The following NTRK3 variants were observed in gnomAD, a reference collection of about 807,000 sequenced individuals.
NTRK3 encodes NT-3 growth factor receptor.
In NTRK3, 24 loss-of-function variants were observed where a neutral mutation model predicts 91.7. The ratio of observed to expected loss-of-function variants is 0.26; its 90% confidence interval spans 0.19 to 0.37. The LOEUF is 0.37. Among genes scored for constraint, NTRK3 ranks in the 10% least tolerant of loss-of-function variants. NTRK3 has a pLI of 1.00. For synonymous variants in NTRK3, 483 were observed against 404.0 expected, an observed-to-expected ratio of 1.20 and a Z score of -2.34; for missense variants, 880 against 1,068.9, an observed-to-expected ratio of 0.82 and a Z score of 2.46.
intron 14 of NTRK3, among the ~76,000 whole-genome samples, chr15:87,960,482 C>T (rs1382168782): frequency 6.6e-6 from 1 of 151,696 alleles, no homozygotes; most frequent in Non-Finnish European, 1.5e-5. Flanking sequence ...AATAAAGCTT[C>T]CCCCCATCCT....
intron 3 of NTRK3, among the ~76,000 whole-genome samples, chr15:88,210,921 G>C (rs541666791): frequency 1.3e-5 from 2 of 152,228 alleles, no homozygotes; most frequent in African/African-American, 4.8e-5. Flanking sequence ...GTGACCCAGA[G>C]CAGTGAGATG....
chr15:88,064,656 C>T (rs1367794335), intron 13 of NTRK3, among the ~76,000 whole-genome samples: 1 of 152,164 alleles, frequency 6.6e-6, no homozygotes, highest in Non-Finnish European at 1.5e-5. Context: ...TCCAGTGCCC[C>T]CTCCACTGCA....
At chr15:88,049,214 C>T (rs555649342) in intron 13 of NTRK3, among the ~76,000 whole-genome samples, 1 of 152,154 alleles carries the variant, frequency 6.6e-6, no homozygotes, top group Non-Finnish European at 1.5e-5. Flanking sequence ...GGAAGTGATG[C>T]TTCGAATACT....
chr15:88,079,447 A>G (rs1315231397), intron 13 of NTRK3, among the ~76,000 whole-genome samples: 3 of 152,156 alleles, frequency 2.0e-5, no homozygotes, highest in African/African-American at 7.2e-5. Context: ...AGGAATTGGG[A>G]AAAATGGTGG....
At chr15:87,959,654 C>T (rs1005425375) in intron 14 of NTRK3, among the ~76,000 whole-genome samples, 2 of 152,184 alleles carry the variant, frequency 1.3e-5, no homozygotes, top group African/African-American at 4.8e-5. Context: ...CTTCATGGAA[C>T]ATCCCAGCTG....
intron 14 of NTRK3, among the ~76,000 whole-genome samples, chr15:87,945,674 T>C (rs551865483): frequency 1.3e-5 from 2 of 150,630 alleles, no homozygotes; most frequent in Non-Finnish European, 2.9e-5. Context: ...CACTGTCAGC[T>C]TCACCTCCCT....
At chr15:87,911,349 G>A (rs564071442) in intron 17 of NTRK3, among the ~76,000 whole-genome samples, 1 of 152,318 alleles carries the variant, frequency 6.6e-6, no homozygotes, top group African/African-American at 2.4e-5. Context: ...AGCAATCTCT[G>A]TTGTAGAGTT....
intron 14 of NTRK3, among the ~76,000 whole-genome samples, chr15:87,944,945 G>C (rs563734002): frequency 6.6e-5 from 10 of 152,336 alleles, no homozygotes; most frequent in Non-Finnish European, 1.2e-4. Context: ...AGCTGCCTCT[G>C]GTGAAGCTAT....
chr15:88,004,994 A>G (rs892841911), intron 14 of NTRK3, among the ~76,000 whole-genome samples: 2 of 152,208 alleles, frequency 1.3e-5, no homozygotes, highest in African/African-American at 2.4e-5. Flanking sequence ...CTTACAGATG[A>G]GAAAAATGAG....
At chr15:88,147,543 T>G in intron 5 of NTRK3, 140 bp from the exon 6 acceptor site, 1 of 536,428 alleles carries the variant, frequency 1.9e-6, no homozygotes, top group South Asian at 2.3e-5. Flanking sequence ...CTTCTTCTTC[T>G]TCTTCTTCTT....
chr15:88,220,041 C>T (rs889613336), intron 3 of NTRK3, among the ~76,000 whole-genome samples: 16 of 152,028 alleles, frequency 1.1e-4, no homozygotes, highest in Non-Finnish European at 2.1e-4. Flanking sequence ...CAGAGAAAAT[C>T]CCCAAGTAAA....
intron 5 of NTRK3, among the ~76,000 whole-genome samples, chr15:88,168,790 TGA>T (rs1456215904): frequency 2.0e-5 from 3 of 152,232 alleles, no homozygotes; most frequent in Non-Finnish European, 4.4e-5. Context: ...TACCTGCTCC[TGA>T]GAGGCACCAG....
chr15:88,119,798 C>T (rs750999941), intron 13 of NTRK3, among the ~76,000 whole-genome samples: 8 of 152,204 alleles, frequency 5.3e-5, no homozygotes, highest in African/African-American at 1.7e-4. Context: ...TCTTGGTTCC[C>T]GACCCCCTGC....
intron 17 of NTRK3, among the ~76,000 whole-genome samples, chr15:87,881,050 G>C (rs1038153266): frequency 3.3e-5 from 5 of 152,224 alleles, no homozygotes; most frequent in African/African-American, 9.6e-5. Flanking sequence ...AGTAGGGAGA[G>C]TCTTTAAAAA....
intron 13 of NTRK3, among the ~76,000 whole-genome samples, chr15:88,097,531 T>C (rs376865794): frequency 2.0e-4 from 30 of 152,336 alleles, no homozygotes; most frequent in African/African-American, 7.2e-4. Flanking sequence ...TCACGCTTAA[T>C]ATAGTAATTC....
chr15:88,106,670 G>A (rs911876461), intron 13 of NTRK3, among the ~76,000 whole-genome samples: 3 of 152,046 alleles, frequency 2.0e-5, no homozygotes, highest in African/African-American at 7.3e-5. Flanking sequence ...TGTGGCTCAT[G>A]CCTGTAATCC....
At chr15:88,062,082 T>G (rs558543810) in intron 13 of NTRK3, among the ~76,000 whole-genome samples, 27 of 152,288 alleles carry the variant, frequency 1.8e-4, no homozygotes, top group Non-Finnish European at 1.8e-4. Context: ...TTGTATTAAG[T>G]TTTATACATA....
chr15:87,878,573 T>G (rs927650303), intron 18 of NTRK3, among the ~76,000 whole-genome samples: 14 of 152,230 alleles, frequency 9.2e-5, no homozygotes, highest in Admixed American at 2.6e-4. Context: ...TAGCAGCTGC[T>G]AATGCCAAGA....
chr15:88,234,266 C>A lies in NTRK3; in HGVS notation c.248+21640G>T, dbSNP rs770249885. On this transcript the variant is annotated intron_variant, in intron 3 of 18. Coordinates refer to ENST00000394480, the Ensembl canonical transcript of NTRK3. The surrounding 1 kb of genome is among the most constrained non-coding windows in gnomAD (Gnocchi z 6.1). ...CTCCCATAGCCTACACATCTCCAGA[C>A]TGCACTCTCTTCCTTCATTCATTCA... 1.6e-4 allele frequency among the ~76,000 whole-genome samples: 25 copies of A among 152,238 alleles called. No individual in the cohort carries two copies. The highest frequency in any genetic ancestry group is 2.9e-4 in the Non-Finnish European group (20 of 68,044).
Sources: allele counts gnomAD v4.1 joint callset (sites outside exome capture counted in the v4.1 genomes callset), GRCh38; gene constraint gnomAD v4.1.1; non-coding constraint Gnocchi (gnomAD v3.1); transcripts MANE v1.5; gene names NCBI Gene and HGNC (gene_info 2026-07-23, HGNC 2026-07-21).